Variants in FAM117B observed in about 807,000 individuals in gnomAD.
FAM117B encodes the protein protein FAM117B.
In FAM117B, 22 loss-of-function variants were observed where a neutral mutation model predicts 52.8. That is an observed-to-expected ratio of 0.42 (90% confidence interval 0.30 to 0.59). FAM117B has a LOEUF of 0.59. FAM117B is among the 20% of genes least tolerant of loss of function. FAM117B has a pLI of 0.22. For synonymous variants in FAM117B, 309 were observed against 324.1 expected, an observed-to-expected ratio of 0.95 and a Z score of 0.50; for missense variants, 678 against 802.6, an observed-to-expected ratio of 0.84 and a Z score of 1.88.
intron 4 of FAM117B, among the ~76,000 whole-genome samples, chr2:202,751,679 C>T (rs1574304118): frequency 1.4e-5 from 2 of 141,348 alleles, no homozygotes; most frequent in East Asian, 4.3e-4. Context: ...GGCTGAGGCA[C>T]AAGAATCACT....
chr2:202,659,322 TC>T (rs1237792272), intron 1 of FAM117B, among the ~76,000 whole-genome samples: 1 of 151,950 alleles, frequency 6.6e-6, no homozygotes, highest in Non-Finnish European at 1.5e-5. Flanking sequence ...GTTTTTTGTT[TC>T]TTTTGAGACA....
At chr2:202,704,920 T>C (rs1405730481) in intron 2 of FAM117B, among the ~76,000 whole-genome samples, 1 of 152,108 alleles carries the variant, frequency 6.6e-6, no homozygotes, top group Non-Finnish European at 1.5e-5. Flanking sequence ...GAAATAATTA[T>C]GTATTACTCT....
At chr2:202,709,978 A>G (rs1574564491) in intron 2 of FAM117B, among the ~76,000 whole-genome samples, 1 of 152,330 alleles carries the variant, frequency 6.6e-6, no homozygotes, top group Non-Finnish European at 1.5e-5. Flanking sequence ...ATACTGTCCC[A>G]TTGATGTATG....
intron 4 of FAM117B, among the ~76,000 whole-genome samples, chr2:202,733,652 G>A (rs1371326595): frequency 1.3e-5 from 2 of 152,128 alleles, no homozygotes; most frequent in African/African-American, 2.4e-5. Context: ...TATTCTGCCC[G>A]ACCCTGCAGG....
At chr2:202,758,923 T>C (rs562170859) in intron 6 of FAM117B, among the ~76,000 whole-genome samples, 8 of 152,300 alleles carry the variant, frequency 5.3e-5, no homozygotes, top group African/African-American at 1.9e-4. Context: ...ATTTCAGATA[T>C]TTGTACTGGG....
At chr2:202,661,532 G>A (rs1288318166) in intron 1 of FAM117B, among the ~76,000 whole-genome samples, 1 of 152,154 alleles carries the variant, frequency 6.6e-6, no homozygotes, top group Non-Finnish European at 1.5e-5. Context: ...TGGTCAGATA[G>A]CTATTAAGTG....
chr2:202,766,081 CA>C lies in FAM117B; in HGVS notation c.*318del, dbSNP rs1559118973. 6 of 230,852 alleles carry C rather than the reference CA, an allele frequency of 2.6e-5. No individual in the cohort carries two copies. Among genetic ancestry groups the C allele is most frequent in the African/African-American group, 9.2e-5 (4 of 43,694 alleles). 14.3% of individuals were successfully genotyped at this position (230,852 alleles called of 1,614,324 possible). A position where few individuals can be genotyped will look rare whatever the true frequency, so the allele number is the denominator to read the frequency against. On this transcript the variant is annotated 3_prime_UTR_variant, in exon 8 of 8. Transcript: ENST00000392238. ...TTTAAAACACACACACACACACACA[CA>C]CACACACACACACACACACACACAC...
intron 1 of FAM117B, among the ~76,000 whole-genome samples, chr2:202,658,017 C>T (rs1037640640): frequency 6.6e-6 from 1 of 152,078 alleles, no homozygotes. Flanking sequence ...GTTTCTTTAG[C>T]CTCTTTACAT....
At chr2:202,745,358 A>G (rs938533450) in intron 4 of FAM117B, among the ~76,000 whole-genome samples, 1 of 152,162 alleles carries the variant, frequency 6.6e-6, no homozygotes, top group Non-Finnish European at 1.5e-5. Flanking sequence ...GGTCAGCCCT[A>G]CAAGGAATAC....
chr2:202,651,342 T>C (rs1236218852), intron 1 of FAM117B, among the ~76,000 whole-genome samples: 2 of 151,270 alleles, frequency 1.3e-5, no homozygotes, highest in Non-Finnish European at 2.9e-5. Flanking sequence ...ATCACAGGTG[T>C]GAGCCACCGC....
At chr2:202,682,615 A>G (rs994182501) in intron 1 of FAM117B, among the ~76,000 whole-genome samples, 3 of 152,188 alleles carry the variant, frequency 2.0e-5, no homozygotes, top group African/African-American at 7.2e-5. Flanking sequence ...ATTCTTTTCA[A>G]CTGCACCTGG....
chr2:202,740,174 C>CAAA (rs67479326), intron 4 of FAM117B, among the ~76,000 whole-genome samples: 3 of 100,608 alleles, frequency 3.0e-5, no homozygotes, highest in African/African-American at 4.1e-5. Context: ...CTTCATCCCC[C>CAAA]AAAAAAAAAA....
chr2:202,712,811 T>A (rs1690979058), intron 2 of FAM117B, among the ~76,000 whole-genome samples: 1 of 152,170 alleles, frequency 6.6e-6, no homozygotes, highest in Admixed American at 6.5e-5. Flanking sequence ...ATCATATAGT[T>A]TTTGTCTTCA....
At chr2:202,762,987 A>G (rs1691918246) in intron 7 of FAM117B, among the ~76,000 whole-genome samples, 1 of 151,838 alleles carries the variant, frequency 6.6e-6, no homozygotes, top group African/African-American at 2.4e-5. Context: ...CCAGATCAAA[A>G]ACTTTATCTA....
chr2:202,710,443 T>G (rs759740691), intron 2 of FAM117B, among the ~76,000 whole-genome samples: 2 of 152,164 alleles, frequency 1.3e-5, no homozygotes, highest in Non-Finnish European at 2.9e-5. Flanking sequence ...TATATATTTA[T>G]GGGGTAGCTG....
At chr2:202,689,193 C>A (rs758259377) in intron 1 of FAM117B, among the ~76,000 whole-genome samples, 1 of 152,188 alleles carries the variant, frequency 6.6e-6, no homozygotes. Context: ...GTAATCCCAG[C>A]ACTTTGGGAG....
Position 202,759,444 on chromosome 2 carries a change from C to T in FAM117B, c.1451+91C>T. ...TCACTCTGTCATCTAGGCTGGACTG[C>T]ACTGATGCAGTCACAGGTCACACTG... On this transcript the variant is annotated intron_variant, in intron 7 of 7. Transcript: ENST00000392238. The T allele has an allele frequency of 2.0e-6, 3 of 1,498,714 alleles. No individual in the cohort carries two copies. In the South Asian group the frequency reaches 4.1e-5, roughly 21 times the overall value. 92.8% of individuals were successfully genotyped at this position (1,498,714 alleles called of 1,614,324 possible). A position where few individuals can be genotyped will look rare whatever the true frequency, so the allele number is the denominator to read the frequency against.
intron 1 of FAM117B, among the ~76,000 whole-genome samples, chr2:202,643,826 C>T (rs532855268): frequency 6.6e-6 from 1 of 152,270 alleles, no homozygotes; most frequent in African/African-American, 2.4e-5. Context: ...TCTTATGCCT[C>T]AGCCTCCTGA....
At chr2:202,653,602 TTGTC>T (rs1689988234) in intron 1 of FAM117B, among the ~76,000 whole-genome samples, 1 of 152,226 alleles carries the variant, frequency 6.6e-6, no homozygotes, top group African/African-American at 2.4e-5. Flanking sequence ...TCACTGGATT[TTGTC>T]TGTCTTGAAA....
Sources: gnomAD v4.1 joint callset for allele counts (sites outside exome capture counted in the v4.1 genomes callset) on GRCh38, gnomAD v4.1.1 for gene constraint, MANE v1.5 for transcripts, NCBI Gene and HGNC (gene_info 2026-07-23, HGNC 2026-07-21) for gene names.